SPTAN1: variants seen among roughly 807,000 people sequenced by gnomAD.
SPTAN1 encodes the protein spectrin alpha chain, non-erythrocytic 1.
A neutral mutation model predicts 331.3 loss-of-function variants in SPTAN1; 61 were observed. The ratio of observed to expected loss-of-function variants is 0.18; its 90% CI spans 0.15 to 0.23. SPTAN1 has a LOEUF of 0.23. Among genes scored for constraint, SPTAN1 ranks in the 10% least tolerant of loss-of-function variants. SPTAN1 has a pLI of 1.00. For synonymous variants in SPTAN1, 1,153 were observed against 1,173.9 expected (o/e 0.98, Z 0.36); for missense variants, 2,043 against 3,147.9 (o/e 0.65, Z 8.40).
chr9:128,618,400 A>G (rs1156701469), intron 43 of SPTAN1, among the ~76,000 whole-genome samples: 1 of 152,060 alleles, frequency 6.6e-6, no homozygotes, highest in Non-Finnish European at 1.5e-5. Context: ...AAATCAAGAC[A>G]TGAGAGTCTG....
At chr9:128,568,009 G>A (rs1564196059) in intron 2 of SPTAN1, among the ~76,000 whole-genome samples, 2 of 150,848 alleles carry the variant, frequency 1.3e-5, no homozygotes, top group Non-Finnish European at 3.0e-5. Flanking sequence ...TGATCTGCCT[G>A]CCTCAGCCTC....
chr9:128,611,326 T>C (rs2065951), intron 37 of SPTAN1, among the ~76,000 whole-genome samples: 150,044 of 152,164 alleles, frequency 0.99, 74,015 homozygotes, highest in Middle Eastern at 1. Flanking sequence ...AAAAATTAGC[T>C]GGGTGTGATG....
In SPTAN1 at chr9:128,611,908, A is replaced by G. The variant is rs1009961118; in HGVS notation, c.4905+63A>G. ...TGACCACCGTCACTGTCAACCTGATATAATAACTTGGACATACAGTCTTAA... is the reference window on the plus strand; with the variant it reads ...TGACCACCGTCACTGTCAACCTGATGTAATAACTTGGACATACAGTCTTAA... On this transcript the variant is annotated intron_variant, in intron 38 of 56. Coordinates refer to ENST00000372739, the MANE Select transcript of SPTAN1 (RefSeq NM_001130438.3). The G allele has an allele frequency of 7.4e-6, 12 of 1,612,446 alleles. No homozygotes were observed. The African/African-American group carries it at 1.1e-4, about 14-fold the overall frequency.
chr9:128,587,704 C>CT lies in SPTAN1; in HGVS notation c.2871+8dup, dbSNP rs2062984227. 6.2e-7 allele frequency: 1 copy of CT among 1,613,814 alleles called. No individual in the cohort carries two copies. The highest frequency in any genetic ancestry group is 1.1e-5 in the South Asian group (1 of 91,086). On this transcript the variant is annotated splice_region_variant and intron_variant, in intron 20 of 56. Transcript: ENST00000372739. Reference sequence around the variant, plus strand: ...AACAAGCACAGTCCTGCCGGGTAAACTTGTAACAGTTTATGGGTTACTGGA... The same window carrying CT: ...AACAAGCACAGTCCTGCCGGGTAAACTTTGTAACAGTTTATGGGTTACTGGA...
At chr9:128,587,861 T>G (rs1852860772) in intron 20 of SPTAN1, among the ~76,000 whole-genome samples, 163 bp downstream of exon 20, 1 of 152,116 alleles carries the variant, frequency 6.6e-6, no homozygotes, top group African/African-American at 2.4e-5. Context: ...ATTTATTTAT[T>G]TAGAGACAGA....
intron 44 of SPTAN1, among the ~76,000 whole-genome samples, chr9:128,620,586 T>C (rs939219694): frequency 6.6e-6 from 1 of 151,970 alleles, no homozygotes; most frequent in African/African-American, 2.4e-5. Context: ...GGTGTGGTGG[T>C]GCACACCTGT....
chr9:128,563,153 T>C (rs898792523), intron 1 of SPTAN1, among the ~76,000 whole-genome samples: 1 of 151,858 alleles, frequency 6.6e-6, no homozygotes, highest in African/African-American at 2.4e-5. Flanking sequence ...CAGTGGCTCA[T>C]GCTTGTAATC....
intron 24 of SPTAN1, chr9:128,596,250 GTT>G (rs1244506952): frequency 6.6e-6 from 1 of 151,778 alleles, no homozygotes; most frequent in Non-Finnish European, 1.5e-5. Flanking sequence ...TTGTTTTTGG[GTT>G]TTTTTGTTTT....
intron 44 of SPTAN1, among the ~76,000 whole-genome samples, chr9:128,619,599 A>G (rs1857594238): frequency 6.6e-6 from 1 of 152,084 alleles, no homozygotes; most frequent in South Asian, 2.1e-4. Context: ...GTCTATTCAC[A>G]TTTCTGTGTT....
chr9:128,583,723 C>T lies in SPTAN1; in HGVS notation c.2012-65C>T, dbSNP rs1028681878. The T allele has an allele frequency of 2.3e-5, 35 of 1,543,166 alleles. No individual in the cohort carries two copies. The African/African-American group carries it at 4.5e-4, about 20-fold the overall frequency. ...AGTCCTTCACTAAGATACTACTGTTCATGGGCAGTGTTGGCAGAAGGGTAA... is the reference window on the plus strand; with the variant it reads ...AGTCCTTCACTAAGATACTACTGTTTATGGGCAGTGTTGGCAGAAGGGTAA... On this transcript the variant is annotated intron_variant, in intron 15 of 56. Transcript: ENST00000372739.
In SPTAN1 at chr9:128,627,713, T is replaced by C; in HGVS notation, c.6690-212T>C. 2 of 790,956 alleles carry C rather than the reference T, an allele frequency of 2.5e-6. No homozygotes were observed. The highest frequency in any genetic ancestry group is 1.8e-5 in the Admixed American group (1 of 55,992). The allele number at this position is 790,956 out of a possible 1,614,324, so 49.0% of individuals were successfully genotyped here. A position where few individuals can be genotyped will look rare whatever the true frequency, so the allele number is the denominator to read the frequency against. On this transcript the variant is annotated intron_variant, in intron 50 of 56. Transcript: ENST00000372739. The surrounding 1 kb of genome is among the most constrained non-coding windows in gnomAD (Gnocchi z 4.9). Reference sequence around the variant, plus strand: ...GTGCTGCATGTCCCAGACATCAAGTTGTTAGAGATCCCGGATTGAGTGGGA... The same window carrying C: ...GTGCTGCATGTCCCAGACATCAAGTCGTTAGAGATCCCGGATTGAGTGGGA...
At position 128,577,017 on chromosome 9, in the gene SPTAN1, C is replaced by G; in HGVS notation, c.785+61C>G. ...CAACCTGGAGGGGAGTTGTGAAGCA[C>G]AGGGCATGTGCTGGTGAGCTGTCGA... On this transcript the variant is annotated intron_variant, in intron 6 of 56. Coordinates refer to ENST00000372739, the MANE Select transcript of SPTAN1 (RefSeq NM_001130438.3). This position sits in a 1 kb window ranked among gnomAD's most constrained non-coding sequence, Gnocchi z 4.2. 1 of 1,613,972 alleles carries G rather than the reference C, an allele frequency of 6.2e-7. No homozygotes were observed.
rs777872032 is a variant in SPTAN1 at position 128,633,394 on chromosome 9, G to A, written c.*60G>A. 6.1e-5 allele frequency: 99 copies of A among 1,610,066 alleles called. No homozygotes were observed. Among genetic ancestry groups the A allele is most frequent in the Admixed American group, 2.5e-4 (15 of 59,978 alleles). On this transcript the variant is annotated 3_prime_UTR_variant, in exon 57 of 57. Transcript: ENST00000372739. ...CCCTGCGTCGCCTTGCTGCATGTCCGCTCCTCTGTGTGCTCTCACTTTCCA... is the reference window on the plus strand; with the variant it reads ...CCCTGCGTCGCCTTGCTGCATGTCCACTCCTCTGTGTGCTCTCACTTTCCA...
At chr9:128,622,490 G>C (rs1858021238) in intron 45 of SPTAN1, among the ~76,000 whole-genome samples, 1 of 151,644 alleles carries the variant, frequency 6.6e-6, no homozygotes, top group Non-Finnish European at 1.5e-5. Context: ...GTAGAGATGG[G>C]GTTTCTCCAT....
chr9:128,605,391 C>T lies in SPTAN1; in HGVS notation c.3960C>T (p.Ala1320=), dbSNP rs1218828900. ...AAAAGTGCACAGAGTTAAACCAGGC[C>T]TGGAGCAGCCTGGGGAAACGTGCAG... ...LQEKCTELNQ[A]WSSLGKRADQ... is the part of the protein sequence containing the mutation. The change falls in exon 31 of 57, where the codon GCC becomes GCT. Residue 1320 remains alanine (A), a synonymous_variant. Transcript: ENST00000372739. 1 of 1,614,190 alleles carries T rather than the reference C, an allele frequency of 6.2e-7. No individual in the cohort carries two copies. The highest frequency in any genetic ancestry group is 1.7e-5 in the Admixed American group (1 of 60,018).
At chr9:128,597,794 G>A (rs1032498482) in intron 24 of SPTAN1, among the ~76,000 whole-genome samples, 2 of 152,106 alleles carry the variant, frequency 1.3e-5, no homozygotes, top group African/African-American at 4.8e-5. Context: ...GGGATTACAG[G>A]CGCCTGCCAC....
intron 51 of SPTAN1, chr9:128,628,190 G>A (rs1425508768): frequency 1.5e-6 from 1 of 672,444 alleles, no homozygotes; most frequent in Non-Finnish European, 2.7e-6. Context: ...GATTCCAAGG[G>A]CTCACTTTGG....
At chr9:128,601,951 G>A (rs1342109848) in intron 27 of SPTAN1, among the ~76,000 whole-genome samples, 4 of 152,004 alleles carry the variant, frequency 2.6e-5, no homozygotes, top group Non-Finnish European at 4.4e-5. Context: ...CTTTTCTTAC[G>A]TAGCAAAACT....
chr9:128,631,787 T>A, intron 52 of SPTAN1: 1 of 326,962 alleles, frequency 3.1e-6, no homozygotes, highest in East Asian at 7.7e-5. Context: ...GCCACTGCAC[T>A]CTAGCCTAGG....
Sources: allele counts gnomAD v4.1 joint callset (sites outside exome capture counted in the v4.1 genomes callset), GRCh38; gene constraint gnomAD v4.1.1; non-coding constraint Gnocchi (gnomAD v3.1); transcripts MANE v1.5; gene names NCBI Gene and HGNC (gene_info 2026-07-23, HGNC 2026-07-21).